The following CHST3 variants were observed in gnomAD, a reference collection of about 807,000 sequenced individuals.
CHST3 encodes carbohydrate sulfotransferase 3.
Under a neutral mutation model 35.4 loss-of-function variants are expected in CHST3, and 20 were observed. The ratio of observed to expected loss-of-function variants is 0.57; its 90% CI spans 0.40 to 0.82. The LOEUF (loss-of-function observed/expected upper bound fraction) is 0.82, where lower values mean the gene tolerates loss of function less well. Ranked by LOEUF, CHST3 falls within the 40% of genes least tolerant of loss-of-function variation. The pLI is 0.00. For missense variants in CHST3, 693 were observed against 670.1 expected (o/e 1.03, Z -0.38); for synonymous variants, 334 against 295.9 (o/e 1.13, Z -1.32).
intron 1 of CHST3, among the ~76,000 whole-genome samples, chr10:71,975,179 GTGTC>G (rs908497176): frequency 6.6e-6 from 1 of 152,230 alleles, no homozygotes; most frequent in African/African-American, 2.4e-5. Context: ...ATACAGTTGA[GTGTC>G]TGAGAGTTCT....
chr10:71,972,435 A>G (rs549147500), intron 1 of CHST3, among the ~76,000 whole-genome samples: 1 of 152,284 alleles, frequency 6.6e-6, no homozygotes, highest in South Asian at 2.1e-4. Context: ...GGCCTTCTCC[A>G]GGTCTGACTC....
intron 1 of CHST3, among the ~76,000 whole-genome samples, chr10:71,966,597 C>G (rs1381435695): frequency 6.6e-6 from 1 of 152,242 alleles, no homozygotes; most frequent in African/African-American, 2.4e-5. Flanking sequence ...GCACCAAGGA[C>G]TGGCCTCAGA....
In CHST3 at chr10:72,008,538, C is replaced by G; in HGVS notation, c.*67C>G. The G allele has an allele frequency of 6.9e-7, 1 of 1,453,062 alleles. No homozygotes were observed. The highest frequency in any genetic ancestry group is 9.1e-7 in the Non-Finnish European group (1 of 1,103,544). The allele number at this position is 1,453,062 out of a possible 1,614,324, so 90.0% of individuals were successfully genotyped here. On this transcript the variant is annotated 3_prime_UTR_variant, in exon 3 of 3. Transcript: ENST00000373115. ...CCCCGTCTTTCTGCCGCAGCCCTCG[C>G]AGAGGGCGGGTGCACAGCGCCATGA...
chr10:71,973,973 G>A (rs897679834), intron 1 of CHST3, among the ~76,000 whole-genome samples: 2 of 152,184 alleles, frequency 1.3e-5, no homozygotes, highest in Admixed American at 1.3e-4. Flanking sequence ...TGCCTTCACG[G>A]GAACCCCAAC....
At chr10:71,996,222 T>G (rs1193095317) in intron 1 of CHST3, among the ~76,000 whole-genome samples, 6 of 152,202 alleles carry the variant, frequency 3.9e-5, no homozygotes, top group Non-Finnish European at 7.3e-5. Context: ...CAATAGTTGC[T>G]GTAAATGTCC....
chr10:71,980,577 G>A (rs867392337), intron 1 of CHST3, among the ~76,000 whole-genome samples: 1 of 152,202 alleles, frequency 6.6e-6, no homozygotes, highest in Admixed American at 6.5e-5. Context: ...TGCAGAGTGT[G>A]CTAAAACAAT....
At chr10:71,990,749 C>A (rs1839890006) in intron 1 of CHST3, among the ~76,000 whole-genome samples, 1 of 152,218 alleles carries the variant, frequency 6.6e-6, no homozygotes, top group Non-Finnish European at 1.5e-5. Context: ...AATGCCAGCA[C>A]ACTGGGATTC....
intron 1 of CHST3, among the ~76,000 whole-genome samples, chr10:71,982,741 C>G (rs1839812846): frequency 6.6e-6 from 1 of 151,966 alleles, no homozygotes; most frequent in South Asian, 2.1e-4. Flanking sequence ...GAGCATGACC[C>G]TGTCTCAAAA....
intron 1 of CHST3, among the ~76,000 whole-genome samples, chr10:72,001,795 G>A (rs759519877): frequency 6.6e-6 from 1 of 152,126 alleles, no homozygotes; most frequent in Non-Finnish European, 1.5e-5. Flanking sequence ...GAGTACTAGG[G>A]GCTAGGAGGG....
intron 1 of CHST3, among the ~76,000 whole-genome samples, chr10:72,004,541 A>G (rs1840020660): frequency 6.6e-6 from 1 of 152,186 alleles, no homozygotes; most frequent in African/African-American, 2.4e-5. Flanking sequence ...TAATTTACGT[A>G]TACACATGGT....
At chr10:71,999,183 G>T (rs558576090) in intron 1 of CHST3, among the ~76,000 whole-genome samples, 2 of 152,278 alleles carry the variant, frequency 1.3e-5, no homozygotes, top group African/African-American at 4.8e-5. Context: ...TAAATGATAA[G>T]AACAAAATTA....
At chr10:72,006,756 C>T (rs117347838) in intron 2 of CHST3, among the ~76,000 whole-genome samples, 5 of 152,218 alleles carry the variant, frequency 3.3e-5, no homozygotes, top group African/African-American at 1.2e-4. Flanking sequence ...CAATCCCCCC[C>T]CTTGGGTCAC....
At chr10:71,988,149 G>A (rs1161271175) in intron 1 of CHST3, among the ~76,000 whole-genome samples, 1 of 152,136 alleles carries the variant, frequency 6.6e-6, no homozygotes, top group East Asian at 1.9e-4. Context: ...CCCCACAAAT[G>A]AGCACAGCGT....
chr10:71,997,944 G>T (rs143486629), intron 1 of CHST3, among the ~76,000 whole-genome samples: 2,877 of 152,194 alleles, frequency 0.019, 57 homozygotes, highest in African/African-American at 0.055. Context: ...GGGATTACAA[G>T]CATAAGCCAC....
intron 1 of CHST3, among the ~76,000 whole-genome samples, chr10:72,004,973 T>A (rs1288528495): frequency 6.6e-6 from 1 of 152,014 alleles, no homozygotes; most frequent in Non-Finnish European, 1.5e-5. Context: ...CTACAAAAAA[T>A]TTTAAAAATT....
chr10:71,966,357 C>G (rs774800335), intron 1 of CHST3, among the ~76,000 whole-genome samples: 1 of 152,092 alleles, frequency 6.6e-6, no homozygotes, highest in African/African-American at 2.4e-5. Flanking sequence ...TGTGGGTTCT[C>G]CTGTGCCAGC....
intron 1 of CHST3, among the ~76,000 whole-genome samples, chr10:71,991,248 G>A (rs1022112398): frequency 2.0e-5 from 3 of 152,206 alleles, no homozygotes; most frequent in East Asian, 1.9e-4. Flanking sequence ...TGAGCCTCAC[G>A]TCTCTGCCAG....
In CHST3 at chr10:72,008,180, C is replaced by G; in HGVS notation, c.1149C>G (p.Arg383=). 1 of 1,549,356 alleles carries G rather than the reference C, an allele frequency of 6.5e-7. No individual in the cohort carries two copies. The highest frequency in any genetic ancestry group is 8.7e-7 in the Non-Finnish European group (1 of 1,146,690). ...CACGCGGGCCGCTGCAGAAGGCCCG[C>G]GAGATGTACCGCTTCGCCGGCATCC... The part of the protein sequence containing the change: ...DVARGPLQKA[R]EMYRFAGIPL... Residue 383 remains arginine, a synonymous_variant, in exon 3 of 3, where the codon CGC becomes CGG. Transcript: ENST00000373115.
intron 1 of CHST3, among the ~76,000 whole-genome samples, chr10:71,993,694 C>T (rs1370719260): frequency 2.6e-5 from 4 of 152,210 alleles, no homozygotes; most frequent in Non-Finnish European, 5.9e-5. Context: ...TGGTGGTTCA[C>T]GTCTGTAATC....
Sources: allele counts gnomAD v4.1 joint callset (sites outside exome capture counted in the v4.1 genomes callset), GRCh38; gene constraint gnomAD v4.1.1; transcripts MANE v1.5; gene names NCBI Gene and HGNC (gene_info 2026-07-23, HGNC 2026-07-21).